The following RORB variants were observed in gnomAD, a reference collection of about 807,000 sequenced individuals.
RORB encodes the protein RAR related orphan receptor B.
Under a neutral mutation model 59.1 loss-of-function variants are expected in RORB, and 6 were observed. The ratio of observed to expected loss-of-function variants is 0.10; its 90% confidence interval spans 0.06 to 0.20. The LOEUF (loss-of-function observed/expected upper bound fraction) is 0.20, where lower values mean the gene tolerates loss of function less well. Among genes scored for constraint, RORB ranks in the 10% least tolerant of loss-of-function variants. The pLI, the probability that RORB is intolerant of heterozygous loss-of-function variation, is 1.00. For missense variants in RORB, 320 were observed against 560.5 expected, an observed-to-expected ratio of 0.57 and a Z score of 4.33; for synonymous variants, 215 against 204.5, an observed-to-expected ratio of 1.05 and a Z score of -0.44.
At chr9:74,592,237 G>A (rs1034260870) in intron 1 of RORB, among the ~76,000 whole-genome samples, 1 of 152,184 alleles carries the variant, frequency 6.6e-6, no homozygotes, top group African/African-American at 2.4e-5. Context: ...GCTAGAGAAA[G>A]TGTAGTACCT....
At chr9:74,508,612 A>T (rs562809235) in intron 1 of RORB, among the ~76,000 whole-genome samples, 1 of 152,154 alleles carries the variant, frequency 6.6e-6, no homozygotes, top group Admixed American at 6.6e-5. Context: ...AATGTAACTC[A>T]GCGAATCTTA....
chr9:74,510,683 C>A (rs1274646516), intron 1 of RORB, among the ~76,000 whole-genome samples: 2 of 152,026 alleles, frequency 1.3e-5, no homozygotes, highest in Non-Finnish European at 2.9e-5. Flanking sequence ...TCAAAGAAAA[C>A]CCTAAAATAT....
chr9:74,659,360 A>G (rs567220973), intron 4 of RORB, among the ~76,000 whole-genome samples: 60 of 152,348 alleles, frequency 3.9e-4, no homozygotes, highest in African/African-American at 1.4e-3. Context: ...CAGAACTTAC[A>G]TTTGAAATGG....
At chr9:74,630,482 C>T in intron 2 of RORB, 115 bp downstream of exon 2, 1 of 582,246 alleles carries the variant, frequency 1.7e-6, no homozygotes, top group Non-Finnish European at 2.8e-6. Context: ...CTGCCTGCTG[C>T]TGACATTCAG....
intron 1 of RORB, among the ~76,000 whole-genome samples, chr9:74,563,273 A>T (rs1250075675): frequency 2.0e-5 from 3 of 150,176 alleles, no homozygotes; most frequent in Non-Finnish European, 4.4e-5. Context: ...GCAACTTCCA[A>T]CTCCCAGATT....
intron 3 of RORB, among the ~76,000 whole-genome samples, chr9:74,642,175 T>C (rs780911056): frequency 8.5e-5 from 13 of 152,214 alleles, no homozygotes; most frequent in Non-Finnish European, 1.5e-4. Flanking sequence ...TACATAAGTT[T>C]TTATATTTCT....
Position 74,693,006 on chromosome 9 carries a change from A to G in RORB, c.*7388A>G, listed in dbSNP as rs1345743489. ...AAAAAGAGTTTTATATTACTTTAGA[A>G]TGTAATAGGTTTTTGTCCTTATTTT... On this transcript the variant is annotated 3_prime_UTR_variant, in exon 10 of 10. Coordinates refer to ENST00000376896, the MANE Select transcript of RORB (RefSeq NM_006914.4). 2 of 152,218 alleles carry G rather than the reference A, an allele frequency of 1.3e-5. No individual in the cohort carries two copies. The highest frequency in any genetic ancestry group is 6.5e-5 in the Admixed American group (1 of 15,280). The allele number at this position is 152,218 out of a possible 1,614,324, so 9.4% of individuals were successfully genotyped here.
chr9:74,530,250 G>C (rs1826215848), intron 1 of RORB, among the ~76,000 whole-genome samples: 1 of 151,970 alleles, frequency 6.6e-6, no homozygotes, highest in Non-Finnish European at 1.5e-5. Context: ...TTTGGTCGTT[G>C]ACTGAAAATT....
Position 74,647,712 on chromosome 9 carries a change from A to C in RORB, c.637+4897A>C, listed in dbSNP as rs1823923280. Among the ~76,000 whole-genome samples, 3 of 152,202 alleles carry C rather than the reference A, an allele frequency of 2.0e-5. 1 individual carries two copies. In the South Asian group the frequency reaches 6.2e-4, roughly 32 times the overall value. On this transcript the variant is annotated intron_variant, in intron 4 of 9. Coordinates refer to ENST00000376896, the MANE Select transcript of RORB (RefSeq NM_006914.4). ...TACAGAAACTGAGTATTAATAGTTA[A>C]AGGAGATTACAAAGAGGTATTGGCC...
At chr9:74,509,336 G>T (rs1825905380) in intron 1 of RORB, among the ~76,000 whole-genome samples, 1 of 152,102 alleles carries the variant, frequency 6.6e-6, no homozygotes, top group South Asian at 2.1e-4. Flanking sequence ...TCCCTGGAAA[G>T]TTCCAAATAT....
At chr9:74,647,933 A>G (rs757836009) in intron 4 of RORB, among the ~76,000 whole-genome samples, 7 of 152,212 alleles carry the variant, frequency 4.6e-5, no homozygotes, top group African/African-American at 7.2e-5. Flanking sequence ...GCTTTTAAGG[A>G]TAAATATTTT....
chr9:74,628,864 T>C (rs1173853853), intron 1 of RORB, among the ~76,000 whole-genome samples: 1 of 152,222 alleles, frequency 6.6e-6, no homozygotes, highest in Non-Finnish European at 1.5e-5. Context: ...TTTTGTCTCA[T>C]GGATCCATCC....
At chr9:74,655,613 C>T (rs1824066122) in intron 4 of RORB, among the ~76,000 whole-genome samples, 1 of 152,198 alleles carries the variant, frequency 6.6e-6, no homozygotes, top group African/African-American at 2.4e-5. Flanking sequence ...CTTTTCCAAG[C>T]AAGGACTCTT....
At chr9:74,523,259 G>T (rs182742628) in intron 1 of RORB, among the ~76,000 whole-genome samples, 1 of 150,470 alleles carries the variant, frequency 6.6e-6, no homozygotes, top group Non-Finnish European at 1.5e-5. Context: ...TCATCTTTTC[G>T]TCTTGTTTCC....
At chr9:74,651,543 A>C (rs1823992094) in intron 4 of RORB, among the ~76,000 whole-genome samples, 1 of 152,048 alleles carries the variant, frequency 6.6e-6, no homozygotes, top group African/African-American at 2.4e-5. Context: ...TCAAAAAAAA[A>C]AAAAAGGAAA....
At chr9:74,518,392 A>C (rs1826038995) in intron 1 of RORB, among the ~76,000 whole-genome samples, 1 of 151,986 alleles carries the variant, frequency 6.6e-6, no homozygotes, top group African/African-American at 2.4e-5. Context: ...AGACAACCTG[A>C]ATTAATTTGA....
At chr9:74,569,003 C>T (rs1375767256) in intron 1 of RORB, among the ~76,000 whole-genome samples, 2 of 151,886 alleles carry the variant, frequency 1.3e-5, no homozygotes, top group Non-Finnish European at 2.9e-5. Context: ...TAGCTAGAAA[C>T]GTTAGTATGA....
At chr9:74,599,409 T>C (rs749237215) in intron 1 of RORB, among the ~76,000 whole-genome samples, 14 of 152,080 alleles carry the variant, frequency 9.2e-5, no homozygotes, top group Non-Finnish European at 2.1e-4. Context: ...ATGAGTAATA[T>C]AGACACATTT....
At chr9:74,541,683 A>G (rs2118135665) in intron 1 of RORB, among the ~76,000 whole-genome samples, 1 of 152,342 alleles carries the variant, frequency 6.6e-6, no homozygotes, top group South Asian at 2.1e-4. Context: ...ATATTTGGGT[A>G]GAAAAATAAG....
Sources: allele counts gnomAD v4.1 joint callset (sites outside exome capture counted in the v4.1 genomes callset), GRCh38; gene constraint gnomAD v4.1.1; transcripts MANE v1.5; gene names NCBI Gene and HGNC (gene_info 2026-07-23, HGNC 2026-07-21).